The following MALRD1 variants were observed in gnomAD, a reference collection of about 807,000 sequenced individuals.
The protein encoded by MALRD1 is MAM and LDL receptor class A domain containing 1, also known as MAM and LDL-receptor class A domain-containing protein 1.
A neutral mutation model predicts 242.1 loss-of-function variants in MALRD1; 247 were observed. The observed-to-expected ratio is 1.02, with a 90% CI of 0.92 to 1.13. MALRD1 has a LOEUF of 1.13. Among genes scored for constraint, MALRD1 ranks in the 50% most tolerant of loss-of-function variants. MALRD1 has a pLI of 0.00. For missense variants in MALRD1, 2,989 were observed against 2,533.1 expected (o/e 1.18, Z -3.86); for synonymous variants, 995 against 866.6 (o/e 1.15, Z -2.60).
intron 21 of MALRD1, among the ~76,000 whole-genome samples, chr10:19,307,638 T>A (rs757016408): frequency 6.6e-6 from 1 of 151,428 alleles, no homozygotes; most frequent in Non-Finnish European, 1.5e-5. Flanking sequence ...AAATTGGTAG[T>A]GAAAACAACA....
At chr10:19,139,096 A>G (rs904063354) in intron 10 of MALRD1, among the ~76,000 whole-genome samples, 3 of 152,240 alleles carry the variant, frequency 2.0e-5, no homozygotes, top group African/African-American at 7.2e-5. Flanking sequence ...CATACAGTAT[A>G]TATGTGTATT....
Position 19,345,643 on chromosome 10 carries a change from TG to T in MALRD1, c.3902-2127del, listed in dbSNP as rs202196155. ...ATTTTTAAAAGGCATTCTCTCCATT[TG>T]ATGACATAAATTATGACAGAAAATG... On this transcript the variant is annotated intron_variant, in intron 24 of 39. Coordinates refer to ENST00000454679, the MANE Select transcript of MALRD1 (RefSeq NM_001142308.3). Among the ~76,000 whole-genome samples the T allele has an allele frequency of 1.8e-3, 281 of 152,276 alleles. 3 individuals carry two copies. The highest frequency in any genetic ancestry group is 6.4e-3 in the African/African-American group (268 of 41,584).
At chr10:19,298,223 A>G (rs1023824490) in intron 21 of MALRD1, among the ~76,000 whole-genome samples, 3 of 151,916 alleles carry the variant, frequency 2.0e-5, no homozygotes, top group Non-Finnish European at 4.4e-5. Flanking sequence ...TTGCTTCATA[A>G]CGACCCACTA....
chr10:19,351,964 T>C (rs1844394277), intron 25 of MALRD1, 42 bp from the exon 26 acceptor site: 2 of 1,423,166 alleles, frequency 1.4e-6, no homozygotes, highest in Non-Finnish European at 1.9e-6. Flanking sequence ...ATATTAATTA[T>C]ACTAATCATA....
rs767384867 is a variant in MALRD1 at position 19,148,788 on chromosome 10, A to AATATATAT, written c.1558+2459_1558+2466dup. Among the ~76,000 whole-genome samples the AATATATAT allele has an allele frequency of 2.9e-3, 251 of 88,026 alleles. 2 individuals are homozygous for AATATATAT. Among genetic ancestry groups the AATATATAT allele is most frequent in the East Asian group, 3.0e-3 (11 of 3,640 alleles). The allele number at this position is 88,026 out of a possible 152,430, so 57.7% of individuals were successfully genotyped here. A position where few individuals can be genotyped will look rare whatever the true frequency, so the allele number is the denominator to read the frequency against. On this transcript the variant is annotated intron_variant, in intron 11 of 39. Transcript: ENST00000454679. ...AAGGGCCAATTAAAAAAAAAAAAAA[A>AATATATAT]ATATATATATATATATATATATCTG...
Position 19,138,778 on chromosome 10 carries a change from T to C in MALRD1, c.1411+1997T>C, listed in dbSNP as rs77650302. Reference sequence around the variant, plus strand: ...CCATTGTATTCCCCGTAGTAAATCATACTTTATGTTCACCTTTAAAAAATT... The same window carrying C: ...CCATTGTATTCCCCGTAGTAAATCACACTTTATGTTCACCTTTAAAAAATT... On this transcript the variant is annotated intron_variant, in intron 10 of 39. Coordinates refer to ENST00000454679, the MANE Select transcript of MALRD1 (RefSeq NM_001142308.3). 3.2e-4 allele frequency among the ~76,000 whole-genome samples: 49 copies of C among 152,312 alleles called. No individual in the cohort carries two copies. The East Asian group carries it at 8.1e-3, about 25-fold the overall frequency.
intron 18 of MALRD1, among the ~76,000 whole-genome samples, chr10:19,241,464 G>C (rs891530275): frequency 1.1e-4 from 17 of 151,268 alleles, no homozygotes; most frequent in Non-Finnish European, 2.2e-4. Flanking sequence ...CTCTCTTTTT[G>C]TCTTAGTTTA....
intron 10 of MALRD1, among the ~76,000 whole-genome samples, chr10:19,138,029 G>A (rs940067357): frequency 2.6e-5 from 4 of 152,200 alleles, no homozygotes; most frequent in African/African-American, 9.6e-5. Flanking sequence ...GAAAAGCTCT[G>A]TATAATTGGT....
rs113649713 is a variant in MALRD1 at position 19,567,522 on chromosome 10, G to A, written c.5499G>A (p.Ser1833=). The change falls in exon 33 of 40, where the codon TCG becomes TCA. Residue 1833 remains serine, a synonymous_variant. Coordinates refer to ENST00000454679, the MANE Select transcript of MALRD1 (RefSeq NM_001142308.3). ...GILKVYTIEE[S]GLNILVWSVI... Reference sequence around the variant, plus strand: ...TAAAGGTGTATACCATTGAAGAATCGGGGCTAAACATCCTGGTGTGGTCAG... The same window carrying A: ...TAAAGGTGTATACCATTGAAGAATCAGGGCTAAACATCCTGGTGTGGTCAG... 2.1e-4 allele frequency: 332 copies of A among 1,550,232 alleles called. 5 individuals carry two copies. The African/African-American group carries it at 2.7e-3, about 12-fold the overall frequency.
chr10:19,157,097 A>G (rs764606025), intron 12 of MALRD1, among the ~76,000 whole-genome samples: 4 of 151,938 alleles, frequency 2.6e-5, no homozygotes, highest in Admixed American at 2.6e-4. Context: ...CAGGAAGGAT[A>G]TTTGAGTTAC....
intron 28 of MALRD1, among the ~76,000 whole-genome samples, 155 bp downstream of exon 28, chr10:19,389,764 C>T (rs7911102): frequency 0.87 from 132,780 of 152,146 alleles, 58,185 homozygotes; most frequent in African/African-American, 0.92. Flanking sequence ...CTCTGCCTCC[C>T]GAATAACTGG....
rs1836721396 is a variant in MALRD1, at chr10:19,204,979, G to T, written c.2292G>T (p.Trp764Cys). The T allele has an allele frequency of 6.4e-7, 1 of 1,550,646 alleles. No homozygotes were observed. The highest frequency in any genetic ancestry group is 1.2e-5 in the South Asian group (1 of 84,064). The change falls in exon 17 of 40, where the codon TGG becomes TGT. Residue 764 changes from tryptophan to cysteine, a missense_variant. Coordinates refer to ENST00000454679, the MANE Select transcript of MALRD1 (RefSeq NM_001142308.3). The part of the protein sequence containing the change: ...MENSHDSTVI[W>C]RVLYNQGKQW... Reference sequence around the variant, plus strand: ...ATTCTCATGACTCAACAGTGATTTGGAGAGTATTATACAATCAGGGCAAAC... The same window carrying T: ...ATTCTCATGACTCAACAGTGATTTGTAGAGTATTATACAATCAGGGCAAAC...
rs959564582 is a variant in MALRD1 at position 19,066,806 on chromosome 10, G to T, written c.287G>T (p.Ser96Ile). ...QSLQPSWTKRSGMIGLSPPFY... is the reference protein window; with the variant it reads ...QSLQPSWTKRIGMIGLSPPFY... ...CTGCAACCTAGTTGGACAAAGAGAAGTGGGATGATTGGTCTATCACCTCCA... is the reference window on the plus strand; with the variant it reads ...CTGCAACCTAGTTGGACAAAGAGAATTGGGATGATTGGTCTATCACCTCCA... The change falls in exon 2 of 40, where the codon AGT becomes ATT. Residue 96 changes from serine (S) to isoleucine (I), a missense_variant. Ser to Ile is a moderately radical substitution (Grantham distance 142, BLOSUM62 -2). Transcript: ENST00000454679. 2 of 1,233,720 alleles carry T rather than the reference G, an allele frequency of 1.6e-6. No individual in the cohort carries two copies. The highest frequency in any genetic ancestry group is 2.1e-4 in the Middle Eastern group (1 of 4,836). The allele number at this position is 1,233,720 out of a possible 1,614,324, so 76.4% of individuals were successfully genotyped here.
intron 30 of MALRD1, among the ~76,000 whole-genome samples, chr10:19,495,711 A>G (rs1369189503): frequency 6.6e-6 from 1 of 152,206 alleles, no homozygotes; most frequent in African/African-American, 2.4e-5. Context: ...ACAGGATTAA[A>G]TCCATGCATT....
chr10:19,276,110 T>C (rs564989296), intron 19 of MALRD1, among the ~76,000 whole-genome samples: 1 of 152,328 alleles, frequency 6.6e-6, no homozygotes, highest in Non-Finnish European at 1.5e-5. Flanking sequence ...ACTAAAACTT[T>C]ATTATCTAAA....
chr10:19,420,784 G>T (rs1200481318), intron 28 of MALRD1, among the ~76,000 whole-genome samples: 1 of 152,172 alleles, frequency 6.6e-6, no homozygotes, highest in Non-Finnish European at 1.5e-5. Flanking sequence ...CACAATAAAT[G>T]CAGTGCACAG....
intron 28 of MALRD1, among the ~76,000 whole-genome samples, chr10:19,403,707 T>G (rs1846965526): frequency 6.6e-6 from 1 of 152,140 alleles, no homozygotes; most frequent in African/African-American, 2.4e-5. Flanking sequence ...CTTGACTCTT[T>G]TTGACTTCAC....
intron 6 of MALRD1, among the ~76,000 whole-genome samples, 167 bp from the exon 7 acceptor site, chr10:19,124,357 T>A (rs777864284): frequency 2.0e-5 from 3 of 152,220 alleles, no homozygotes; most frequent in Non-Finnish European, 4.4e-5. Context: ...AAAATGGAGT[T>A]GCTGGTACAC....
chr10:19,376,736 A>G (rs1311354405), intron 26 of MALRD1, among the ~76,000 whole-genome samples: 2 of 151,566 alleles, frequency 1.3e-5, no homozygotes, highest in Non-Finnish European at 2.9e-5. Context: ...GTATTTTATT[A>G]GAGACGGGGT....
Sources: allele counts gnomAD v4.1 joint callset (sites outside exome capture counted in the v4.1 genomes callset), GRCh38; gene constraint gnomAD v4.1.1; transcripts MANE v1.5; gene names NCBI Gene and HGNC (gene_info 2026-07-23, HGNC 2026-07-21).